The following PPP1R8 variants were observed in gnomAD, a reference collection of about 807,000 sequenced individuals.
PPP1R8 encodes nuclear inhibitor of protein phosphatase 1.
A neutral mutation model predicts 31.3 loss-of-function variants in PPP1R8; 4 were observed. The ratio of observed to expected loss-of-function variants is 0.13; its 90% CI spans 0.06 to 0.29. PPP1R8 has a LOEUF of 0.29. Ranked by LOEUF, PPP1R8 falls within the 10% of genes least tolerant of loss-of-function variation. The pLI is 1.00. For missense variants in PPP1R8, 254 were observed against 440.1 expected (o/e 0.58, Z 3.78); for synonymous variants, 170 against 169.7 (o/e 1.00, Z -0.01).
rs185971635 is a variant in PPP1R8, at chr1:27,837,126, C to T, written c.118-1573C>T. Among the ~76,000 whole-genome samples, 10 of 151,396 alleles carry T rather than the reference C, an allele frequency of 6.6e-5. No homozygotes were observed. The East Asian group carries it at 1.8e-3, about 27-fold the overall frequency. On this transcript the variant is annotated intron_variant, in intron 2 of 6. Coordinates refer to ENST00000311772, the MANE Select transcript of PPP1R8 (RefSeq NM_014110.5). ...AGAACCTTTTTTCAGAAGACAGCCACTCTTCATACAATTGTTGATCTCAGG... is the reference window on the plus strand; with the variant it reads ...AGAACCTTTTTTCAGAAGACAGCCATTCTTCATACAATTGTTGATCTCAGG...
chr1:27,845,667 G>GA (rs1055417565), intron 5 of PPP1R8, among the ~76,000 whole-genome samples: 2 of 151,092 alleles, frequency 1.3e-5, no homozygotes, highest in Non-Finnish European at 2.9e-5. Context: ...CCTAATATGT[G>GA]AAAAAATCCA....
intron 6 of PPP1R8, 60 bp downstream of exon 6, chr1:27,847,152 C>A: frequency 6.5e-7 from 1 of 1,537,124 alleles, no homozygotes; most frequent in Non-Finnish European, 9.0e-7. Context: ...TTAGGCCAGG[C>A]GCGTTGGCTT....
rs533839664 is a variant in PPP1R8, at chr1:27,843,326, C to T, written c.633C>T (p.Asn211=). The T allele has an allele frequency of 1.9e-6, 3 of 1,614,100 alleles. No homozygotes were observed. The highest frequency in any genetic ancestry group is 2.5e-6 in the Non-Finnish European group (3 of 1,180,004). ...VTFSEDDEII[N]PEDVDPSVGR... Reference sequence around the variant, plus strand: ...TCAGTGAGGATGATGAGATCATCAACCCAGGTGAGGTATCTTGCTAGTTTA... The same window carrying T: ...TCAGTGAGGATGATGAGATCATCAATCCAGGTGAGGTATCTTGCTAGTTTA... Residue 211 remains asparagine (N), a synonymous_variant, in exon 5 of 7, where the codon AAC becomes AAT. Coordinates refer to ENST00000311772, the MANE Select transcript of PPP1R8 (RefSeq NM_014110.5).
At chr1:27,831,958 G>C (rs893507694) in intron 1 of PPP1R8, among the ~76,000 whole-genome samples, 3 of 152,176 alleles carry the variant, frequency 2.0e-5, no homozygotes, top group Non-Finnish European at 4.4e-5. Flanking sequence ...GGATCGCTTT[G>C]CACTTTTGTA....
chr1:27,850,482 G>GGC lies in PPP1R8; in HGVS notation c.*36_*37insGC. 7 of 511,090 alleles carry GGC rather than the reference G, an allele frequency of 1.4e-5. No individual in the cohort carries two copies. The highest frequency in any genetic ancestry group is 4.4e-5 in the East Asian group (1 of 22,558). The allele number at this position is 511,090 out of a possible 1,614,324, so 31.7% of individuals were successfully genotyped here. ...CATGGAGAAGGGTGGGATTGGGTGG[G>GGC]AATGGGGTGGAAGGGTGATGGGGAG... On this transcript the variant is annotated 3_prime_UTR_variant, in exon 7 of 7. Coordinates refer to ENST00000311772, the MANE Select transcript of PPP1R8 (RefSeq NM_014110.5).
intron 1 of PPP1R8, 95 bp from the exon 2 acceptor site, chr1:27,832,661 C>A: frequency 1.0e-6 from 1 of 979,078 alleles, no homozygotes; most frequent in Non-Finnish European, 1.5e-6. Context: ...TAATTATAGG[C>A]TGGTAGGAGA....
At position 27,850,168 on chromosome 1, in the gene PPP1R8, A is replaced by G; in HGVS notation, c.778A>G (p.Ser260Gly). ...GSRRMQNFAF[S>G]GGLYGGLPPT... ...CAGGCGCATGCAGAACTTTGCCTTCAGCGGAGGACTCTACGGGGGCCTGCC... is the reference window on the plus strand; with the variant it reads ...CAGGCGCATGCAGAACTTTGCCTTCGGCGGAGGACTCTACGGGGGCCTGCC... Residue 260 changes from serine to glycine, a missense_variant, in exon 7 of 7, where the codon AGC becomes GGC. Ser to Gly is a moderately conservative substitution (Grantham distance 56). This residue lies in a region of PPP1R8 where 105 missense variants were observed against 128.0 expected (regional missense o/e 0.82). Transcript: ENST00000311772. 6.2e-7 allele frequency: 1 copy of G among 1,613,710 alleles called. No homozygotes were observed. The highest frequency in any genetic ancestry group is 8.5e-7 in the Non-Finnish European group (1 of 1,179,774).
chr1:27,851,671 T>G lies in PPP1R8; in HGVS notation c.*1225T>G, dbSNP rs755438952. 2 of 463,748 alleles carry G rather than the reference T, an allele frequency of 4.3e-6. No homozygotes were observed. The highest frequency in any genetic ancestry group is 4.0e-5 in the African/African-American group (2 of 50,526). 28.7% of individuals were successfully genotyped at this position (463,748 alleles called of 1,614,324 possible). A position where few individuals can be genotyped will look rare whatever the true frequency, so the allele number is the denominator to read the frequency against. ...CAAATAAAGATGCCCTAAATGAGTG[T>G]GGAAATTCTAATGAGAGAATGTAGT... On this transcript the variant is annotated 3_prime_UTR_variant, in exon 7 of 7. Transcript: ENST00000311772.
At chr1:27,833,615 C>T (rs2089133415) in intron 2 of PPP1R8, among the ~76,000 whole-genome samples, 2 of 152,208 alleles carry the variant, frequency 1.3e-5, no homozygotes, top group Admixed American at 1.3e-4. Flanking sequence ...ATTAAGCCCA[C>T]TATGACCATG....
At chr1:27,831,479 G>A (rs2089106804) in intron 1 of PPP1R8, 1 of 498,700 alleles carries the variant, frequency 2.0e-6, no homozygotes, top group African/African-American at 2.1e-5. Context: ...TGGGAATAAT[G>A]AAATAATTTA....
At chr1:27,831,112 A>G (rs2089098665) in intron 1 of PPP1R8, 1 of 1,349,222 alleles carries the variant, frequency 7.4e-7, no homozygotes, top group African/African-American at 1.5e-5. Context: ...TGGGGGCTCA[A>G]AGGCGCTCAC....
rs777943933 is a variant in PPP1R8 at position 27,830,843 on chromosome 1, C to T, written c.8C>T (p.Ala3Val). The change falls in exon 1 of 7, where the codon GCA becomes GTA. Residue 3 changes from alanine (A) to valine (V), a missense_variant. By Grantham distance (64) the Ala-to-Val change is moderately conservative. Coordinates refer to ENST00000311772, the MANE Select transcript of PPP1R8 (RefSeq NM_014110.5). ...GGGAGGGGGAGACGCAAGATGGCGG[C>T]AGCCGCGAACTCCGGCTCTAGCCTC... is the stretch of plus-strand genomic sequence containing the variant. MA[A>V]AANSGSSLPL... 3.2e-6 allele frequency: 5 copies of T among 1,576,296 alleles called. No individual in the cohort carries two copies. The highest frequency in any genetic ancestry group is 4.3e-6 in the Non-Finnish European group (5 of 1,162,068).
In PPP1R8 at chr1:27,843,341, T is replaced by C. The variant is rs760278959; in HGVS notation, c.637+11T>C. ...AGATCATCAACCCAGGTGAGGTATC[T>C]TGCTAGTTTATTCTGATGAAAAAGC... On this transcript the variant is annotated intron_variant, in intron 5 of 6. Transcript: ENST00000311772. 5.5e-5 allele frequency: 89 copies of C among 1,612,216 alleles called. No homozygotes were observed. Among genetic ancestry groups the C allele is most frequent in the Non-Finnish European group, 7.5e-5 (88 of 1,178,732 alleles).
intron 4 of PPP1R8, among the ~76,000 whole-genome samples, chr1:27,842,627 G>C (rs985751239): frequency 1.3e-5 from 2 of 152,148 alleles, no homozygotes; most frequent in Non-Finnish European, 2.9e-5. Context: ...GTTAATTATT[G>C]AGATAGTTAT....
At chr1:27,845,792 T>C (rs1169119286) in intron 5 of PPP1R8, among the ~76,000 whole-genome samples, 1 of 130,478 alleles carries the variant, frequency 7.7e-6, no homozygotes, top group African/African-American at 3.4e-5. Context: ...TCTTTTTTTT[T>C]TTTTTTTTTT....
intron 2 of PPP1R8, among the ~76,000 whole-genome samples, chr1:27,833,455 T>C (rs1489549169): frequency 1.3e-5 from 2 of 152,218 alleles, no homozygotes; most frequent in South Asian, 2.1e-4. Flanking sequence ...AATTAAGTAC[T>C]ATAAAAGTTT....
At chr1:27,834,567 G>A (rs1235555142) in intron 2 of PPP1R8, 2 of 517,708 alleles carry the variant, frequency 3.9e-6, no homozygotes, top group African/African-American at 1.9e-5. Context: ...AGGCACAACT[G>A]GATAGCAGTA....
chr1:27,838,861 CT>C lies in PPP1R8; in HGVS notation c.271+10del, dbSNP rs759486599. On this transcript the variant is annotated intron_variant, in intron 3 of 6. Coordinates refer to ENST00000311772, the MANE Select transcript of PPP1R8 (RefSeq NM_014110.5). ...GATAGATCTCAACAGTAGTAAGTAA[CT>C]CCCTCCCAATTCACATGTTACCTTT... The C allele has an allele frequency of 6.4e-7, 1 of 1,567,112 alleles. No individual in the cohort carries two copies. The highest frequency in any genetic ancestry group is 1.2e-5 in the South Asian group (1 of 82,370).
At chr1:27,843,408 G>A in intron 5 of PPP1R8, 78 bp downstream of exon 5, 12 of 1,580,872 alleles carry the variant, frequency 7.6e-6, no homozygotes, top group Non-Finnish European at 1.0e-5. Flanking sequence ...TGTAGTCCTA[G>A]CACTTTGGGA....
Sources: allele counts gnomAD v4.1 joint callset (sites outside exome capture counted in the v4.1 genomes callset), GRCh38; gene constraint gnomAD v4.1.1; regional missense constraint gnomAD v4.1.1; transcripts MANE v1.5; gene names NCBI Gene and HGNC (gene_info 2026-07-23, HGNC 2026-07-21).